Variants in ATP8A2 observed in about 807,000 individuals in gnomAD.
The protein encoded by ATP8A2 is ATPase phospholipid transporting 8A2.
Under a neutral mutation model 165.6 loss-of-function variants are expected in ATP8A2, and 100 were observed. The ratio of observed to expected loss-of-function variants is 0.60; its 90% CI spans 0.51 to 0.71. The LOEUF (loss-of-function observed/expected upper bound fraction) is 0.71, where lower values mean the gene tolerates loss of function less well. Among genes scored for constraint, ATP8A2 ranks in the 30% least tolerant of loss-of-function variants. The pLI is 0.00. For missense variants in ATP8A2, 1,227 were observed against 1,479.5 expected (o/e 0.83, Z 2.80); for synonymous variants, 543 against 548.8 (o/e 0.99, Z 0.15).
rs371383885 is a variant in ATP8A2 at position 25,858,416 on chromosome 13, C to T, written c.2957-1779C>T. ...GTGGCCATGTCTCGCCCCGTTCTCC[C>T]GATATAACTCTTACTTTACCCAGCA... On this transcript the variant is annotated intron_variant, in intron 30 of 36. Transcript: ENST00000381655. Among the ~76,000 whole-genome samples the T allele has an allele frequency of 1.1e-4, 16 of 152,234 alleles. No homozygotes were observed. In the East Asian group the frequency reaches 2.3e-3, roughly 22 times the overall value.
chr13:25,978,615 C>T (rs1234280631), intron 35 of ATP8A2, among the ~76,000 whole-genome samples: 1 of 151,994 alleles, frequency 6.6e-6, no homozygotes, highest in Admixed American at 6.6e-5. Flanking sequence ...TGCTGGATCC[C>T]TGGGACGTCC....
intron 2 of ATP8A2, among the ~76,000 whole-genome samples, chr13:25,519,801 G>C (rs1005880491): frequency 3.3e-5 from 5 of 152,010 alleles, no homozygotes; most frequent in Non-Finnish European, 7.4e-5. Context: ...TTATTTACTT[G>C]GGTGAATAAA....
At chr13:25,529,029 A>C (rs1304190184) in intron 2 of ATP8A2, among the ~76,000 whole-genome samples, 4 of 151,914 alleles carry the variant, frequency 2.6e-5, no homozygotes, top group Admixed American at 6.6e-5. Flanking sequence ...TCCTGTGTCC[A>C]TGTGTTCTCA....
At chr13:25,742,586 T>C (rs1342827884) in intron 25 of ATP8A2, among the ~76,000 whole-genome samples, 2 of 151,898 alleles carry the variant, frequency 1.3e-5, no homozygotes, top group African/African-American at 4.8e-5. Flanking sequence ...AGAAGGGAGA[T>C]AAATAGTATT....
intron 25 of ATP8A2, among the ~76,000 whole-genome samples, chr13:25,744,490 G>A (rs796910627): frequency 4.3e-4 from 66 of 152,286 alleles, no homozygotes; most frequent in African/African-American, 1.4e-3. Context: ...GAACTAAAGC[G>A]GGGGGAGGGG....
At chr13:25,427,073 ACT>A (rs1566123774) in intron 1 of ATP8A2, among the ~76,000 whole-genome samples, 1 of 152,134 alleles carries the variant, frequency 6.6e-6, no homozygotes, top group Non-Finnish European at 1.5e-5. Flanking sequence ...GTATGTGGGA[ACT>A]CTCTACATCA....
intron 35 of ATP8A2, among the ~76,000 whole-genome samples, chr13:25,972,764 G>A (rs1170190728): frequency 6.6e-6 from 1 of 152,102 alleles, no homozygotes; most frequent in Non-Finnish European, 1.5e-5. Context: ...TGTAAGCCAT[G>A]CAAATTTCTT....
intron 2 of ATP8A2, among the ~76,000 whole-genome samples, chr13:25,497,271 A>G (rs1194749727): frequency 6.6e-6 from 1 of 152,222 alleles, no homozygotes; most frequent in Admixed American, 6.5e-5. Context: ...TGTAGGCTTC[A>G]TATTTTACTC....
chr13:25,482,559 A>G (rs1165269993), intron 2 of ATP8A2, among the ~76,000 whole-genome samples: 1 of 152,106 alleles, frequency 6.6e-6, no homozygotes, highest in Non-Finnish European at 1.5e-5. Flanking sequence ...GGCCAGGTGT[A>G]TGTCTTTCCA....
At chr13:25,436,225 G>A (rs1297993914) in intron 1 of ATP8A2, among the ~76,000 whole-genome samples, 1 of 152,142 alleles carries the variant, frequency 6.6e-6, no homozygotes, top group Non-Finnish European at 1.5e-5. Flanking sequence ...TACCCAGACA[G>A]TGAGCACAGC....
intron 20 of ATP8A2, 108 bp from the exon 21 acceptor site, chr13:25,578,707 C>G: frequency 1.4e-6 from 1 of 736,146 alleles, no homozygotes; most frequent in South Asian, 1.5e-5. Context: ...CTTACCCACT[C>G]GGGTATTCTC....
chr13:25,933,778 G>A (rs1954821888), intron 33 of ATP8A2, among the ~76,000 whole-genome samples: 1 of 152,260 alleles, frequency 6.6e-6, no homozygotes, highest in Non-Finnish European at 1.5e-5. Flanking sequence ...GGCTTACCCA[G>A]AGTACATTTC....
At chr13:25,510,513 T>C (rs1443600396) in intron 2 of ATP8A2, among the ~76,000 whole-genome samples, 1 of 152,246 alleles carries the variant, frequency 6.6e-6, no homozygotes, top group Non-Finnish European at 1.5e-5. Flanking sequence ...TAAAGACTCC[T>C]GTGCTGAAAG....
chr13:25,968,062 G>A (rs7321325), intron 34 of ATP8A2, among the ~76,000 whole-genome samples: 20,689 of 152,166 alleles, frequency 0.14, 1,593 homozygotes, highest in South Asian at 0.21. Context: ...TCCAGACCAT[G>A]CACTCTAGCA....
chr13:25,457,057 G>A (rs886313570), intron 1 of ATP8A2, among the ~76,000 whole-genome samples: 3 of 152,166 alleles, frequency 2.0e-5, no homozygotes, highest in Non-Finnish European at 4.4e-5. Flanking sequence ...GTTCAAAGCC[G>A]TTCTGGGCTA....
At chr13:25,872,288 T>C (rs1952700543) in intron 33 of ATP8A2, among the ~76,000 whole-genome samples, 1 of 151,960 alleles carries the variant, frequency 6.6e-6, no homozygotes, top group South Asian at 2.1e-4. Context: ...GGGTCTCTTA[T>C]AGGAGGACGG....
intron 23 of ATP8A2, among the ~76,000 whole-genome samples, chr13:25,582,631 A>T (rs191164481): frequency 9.6e-4 from 147 of 152,376 alleles, no homozygotes; most frequent in African/African-American, 3.3e-3. Flanking sequence ...AACTTAGAAT[A>T]GCTTGCTAGA....
At chr13:25,766,932 C>T (rs2044502846) in intron 25 of ATP8A2, among the ~76,000 whole-genome samples, 2 of 152,148 alleles carry the variant, frequency 1.3e-5, no homozygotes, top group African/African-American at 4.8e-5. Flanking sequence ...CACAACCATC[C>T]CATGAGGTGG....
chr13:25,757,752 A>T (rs2044294439), intron 25 of ATP8A2, among the ~76,000 whole-genome samples: 1 of 151,718 alleles, frequency 6.6e-6, no homozygotes, highest in Admixed American at 6.6e-5. Flanking sequence ...TGTGTTCCTG[A>T]CCCCCAAACC....
Sources: gnomAD v4.1 joint callset for allele counts (sites outside exome capture counted in the v4.1 genomes callset) on GRCh38, gnomAD v4.1.1 for gene constraint, MANE v1.5 for transcripts, NCBI Gene and HGNC (gene_info 2026-07-23, HGNC 2026-07-21) for gene names.